Variants in FBN2 observed in about 807,000 individuals in gnomAD.
FBN2 encodes fibrillin-2.
Under a neutral mutation model 355.6 loss-of-function variants are expected in FBN2, and 105 were observed. That is an observed-to-expected ratio of 0.30 (90% CI 0.25 to 0.35). FBN2 has a LOEUF of 0.35. Among genes scored for constraint, FBN2 ranks in the 10% least tolerant of loss-of-function variants. FBN2 has a pLI of 1.00. For synonymous variants in FBN2, 1,350 were observed against 1,301.2 expected, an observed-to-expected ratio of 1.04 and a Z score of -0.81; for missense variants, 3,280 against 3,758.7, an observed-to-expected ratio of 0.87 and a Z score of 3.33.
chr5:128,338,061 C>T lies in FBN2; in HGVS notation c.3534G>A (p.Glu1178=). The T allele has an allele frequency of 1.2e-6, 2 of 1,613,826 alleles. No individual in the cohort carries two copies. The highest frequency in any genetic ancestry group is 1.7e-6 in the Non-Finnish European group (2 of 1,179,694). The change falls in exon 27 of 65, where the codon GAG becomes GAA. Residue 1178 remains glutamate (E), a synonymous_variant. Transcript: ENST00000262464. ...LCRGGTCVNT[E]GSFQCDCPLG... is the part of the protein sequence containing the mutation. ...GTGGGCAGTCACACTGAAAGCTGCC[C>T]TCAGTGTTCACACAGGTGCCACCCC...
At chr5:128,358,532 C>A (rs1751560407) in intron 19 of FBN2, among the ~76,000 whole-genome samples, 1 of 152,070 alleles carries the variant, frequency 6.6e-6, no homozygotes, top group Non-Finnish European at 1.5e-5. Flanking sequence ...AGCGGAATAT[C>A]CAGGTGCTAA....
intron 55 of FBN2, among the ~76,000 whole-genome samples, chr5:128,284,586 T>G (rs1749085262): frequency 6.6e-6 from 1 of 152,200 alleles, no homozygotes; most frequent in Non-Finnish European, 1.5e-5. Context: ...GTGGGCCTAA[T>G]GTGTAGTTTC....
chr5:128,380,623 G>T (rs962161345), intron 11 of FBN2, among the ~76,000 whole-genome samples: 1 of 151,888 alleles, frequency 6.6e-6, no homozygotes, highest in Admixed American at 6.6e-5. Flanking sequence ...ACTTAATTTT[G>T]GTCAAAACAA....
At chr5:128,349,601 G>T in intron 22 of FBN2, 129 bp from the exon 23 acceptor site, 1 of 1,192,576 alleles carries the variant, frequency 8.4e-7, no homozygotes, top group Non-Finnish European at 1.2e-6. Flanking sequence ...GAGTTAAACA[G>T]AAATATTCCA....
intron 11 of FBN2, among the ~76,000 whole-genome samples, chr5:128,383,304 T>G (rs1752282087): frequency 6.6e-6 from 1 of 151,944 alleles, no homozygotes; most frequent in Non-Finnish European, 1.5e-5. Context: ...AAAAATAAAC[T>G]TCATACAATA....
chr5:128,495,185 A>C (rs151065857), intron 5 of FBN2, among the ~76,000 whole-genome samples: 1 of 142,554 alleles, frequency 7.0e-6, no homozygotes, highest in African/African-American at 2.9e-5. Flanking sequence ...TCAAGAGTAG[A>C]TTGGAACTCG....
Position 128,378,907 on chromosome 5 carries a change from A to G in FBN2, c.1604-17T>C. On this transcript the variant is annotated splice_polypyrimidine_tract_variant and intron_variant, in intron 11 of 64. Transcript: ENST00000262464. The stretch of plus-strand genomic sequence containing the variant: ...CATCAACATCTGTGAGCAGCAAAAG[A>G]AACCATTATAGACTTCACTCCATTT... 1 of 1,612,770 alleles carries G rather than the reference A, an allele frequency of 6.2e-7. No homozygotes were observed. Among genetic ancestry groups the G allele is most frequent in the Non-Finnish European group, 8.5e-7 (1 of 1,179,008 alleles).
intron 5 of FBN2, among the ~76,000 whole-genome samples, chr5:128,465,518 T>A (rs1485053830): frequency 6.6e-6 from 1 of 152,180 alleles, no homozygotes; most frequent in African/African-American, 2.4e-5. Context: ...ATATCACACA[T>A]ATATTTGGGC....
intron 25 of FBN2, among the ~76,000 whole-genome samples, chr5:128,340,509 G>C (rs1368171144): frequency 6.6e-6 from 1 of 152,112 alleles, no homozygotes; most frequent in Non-Finnish European, 1.5e-5. Flanking sequence ...CTATCTATCA[G>C]TATCTAGGAC....
rs1020574940 is a variant in FBN2 at position 128,408,802 on chromosome 5, A to G, written c.953-3T>C. ...AATGATGCTGCACTCATCAATGTCT[A>G]ATCAAGGGAAGAAGGAGAAGATGAT... On this transcript the variant is annotated splice_polypyrimidine_tract_variant and splice_region_variant and intron_variant, in intron 7 of 64. Transcript: ENST00000262464. 5.0e-6 allele frequency: 8 copies of G among 1,613,932 alleles called. No homozygotes were observed. In the East Asian group the frequency reaches 1.8e-4, roughly 36 times the overall value.
chr5:128,312,836 A>G (rs1310971388), intron 36 of FBN2, 41 bp from the exon 37 acceptor site: 2 of 1,601,898 alleles, frequency 1.2e-6, no homozygotes, highest in Non-Finnish European at 1.7e-6. Flanking sequence ...CCTTGCTTAC[A>G]TAGTAAGGAC....
Position 128,537,551 on chromosome 5 carries a change from C to T in FBN2, c.53G>A (p.Cys18Tyr). Residue 18 changes from cysteine (C) to tyrosine (Y), a missense_variant, in exon 1 of 65, where the codon TGT (cysteine) becomes TAT (tyrosine). Around this residue, in one of 6 missense-constraint regions of FBN2, gnomAD observed 203 missense variants for 142.2 expected, o/e 1.43. Transcript: ENST00000262464. ...CGTGCCCTGCGCCCAGAGCACCACA[C>T]AGCCCAGCCACAGGAAGTAGAGCTG... is the stretch of plus-strand genomic sequence containing the variant. ...CLQLYFLWLGCVVLWAQGTAG... is the reference protein window; with the variant it reads ...CLQLYFLWLGYVVLWAQGTAG... 9 of 1,599,952 alleles carry T rather than the reference C, an allele frequency of 5.6e-6. No individual in the cohort carries two copies. Among genetic ancestry groups the T allele is most frequent in the South Asian group, 1.1e-5 (1 of 89,460 alleles).
At chr5:128,269,393 A>G (rs1765208521) in intron 62 of FBN2, among the ~76,000 whole-genome samples, 1 of 151,214 alleles carries the variant, frequency 6.6e-6, no homozygotes, top group Non-Finnish European at 1.5e-5. Flanking sequence ...GAGGAGGTGG[A>G]AGTTGCAGCG....
intron 19 of FBN2, among the ~76,000 whole-genome samples, chr5:128,360,606 T>C (rs1257372847): frequency 6.6e-6 from 1 of 151,920 alleles, no homozygotes; most frequent in Non-Finnish European, 1.5e-5. Context: ...GTGGCCCCTC[T>C]GATTCAATTC....
At position 128,502,615 on chromosome 5, in the gene FBN2, T is replaced by C. The variant is rs188492106; in HGVS notation, c.628+16658A>G. ...TGAAAAAAAGCAACAATAAAAGATATCATACTTACTCCCCTTATGGTGGAG... is the reference window on the plus strand; with the variant it reads ...TGAAAAAAAGCAACAATAAAAGATACCATACTTACTCCCCTTATGGTGGAG... On this transcript the variant is annotated intron_variant, in intron 5 of 64. Transcript: ENST00000262464. Among the ~76,000 whole-genome samples the C allele has an allele frequency of 6.0e-3, 908 of 152,176 alleles. 5 individuals are homozygous for C. Among genetic ancestry groups the C allele is most frequent in the African/African-American group, 0.015 (606 of 41,510 alleles).
At chr5:128,335,866 C>G in intron 28 of FBN2, 122 bp downstream of exon 28, 1 of 1,047,088 alleles carries the variant, frequency 9.6e-7, no homozygotes, top group Non-Finnish European at 1.4e-6. Context: ...AGATCTGCCC[C>G]TAGTCTTACA....
At chr5:128,298,625 G>A (rs1464142851) in intron 48 of FBN2, among the ~76,000 whole-genome samples, 1 of 151,960 alleles carries the variant, frequency 6.6e-6, no homozygotes, top group Admixed American at 6.5e-5. Context: ...CCAGTTGATC[G>A]CGTCAGCTCC....
intron 2 of FBN2, among the ~76,000 whole-genome samples, chr5:128,535,079 G>T (rs1756812294): frequency 6.6e-6 from 1 of 152,206 alleles, no homozygotes; most frequent in African/African-American, 2.4e-5. Context: ...TTCTGTGTTG[G>T]AGAGAAAAGA....
chr5:128,405,413 G>A (rs1752900326), intron 8 of FBN2, among the ~76,000 whole-genome samples: 1 of 152,082 alleles, frequency 6.6e-6, no homozygotes, highest in African/African-American at 2.4e-5. Flanking sequence ...GGCTTTGAAT[G>A]TTCAGGTAGA....
Sources: gnomAD v4.1 joint callset for allele counts (sites outside exome capture counted in the v4.1 genomes callset) on GRCh38, gnomAD v4.1.1 for gene constraint, gnomAD v4.1.1 regional missense constraint, MANE v1.5 for transcripts, NCBI Gene and HGNC (gene_info 2026-07-23, HGNC 2026-07-21) for gene names.